The following PSTPIP1 variants were observed in gnomAD, a reference collection of about 807,000 sequenced individuals.
PSTPIP1 encodes proline-serine-threonine phosphatase-interacting protein 1.
A neutral mutation model predicts 69.6 loss-of-function variants in PSTPIP1; 66 were observed. The observed-to-expected ratio is 0.95, with a 90% CI of 0.78 to 1.16. The LOEUF is 1.16. PSTPIP1 is among the 50% of genes most tolerant of loss of function. The probability of loss-of-function intolerance (pLI) is 0.00; values close to 1 mark genes in which losing one functional copy is unlikely to be tolerated. For synonymous variants in PSTPIP1, 266 were observed against 222.7 expected, an observed-to-expected ratio of 1.19 and a Z score of -1.73; for missense variants, 603 against 557.4, an observed-to-expected ratio of 1.08 and a Z score of -0.82.
intron 1 of PSTPIP1, among the ~76,000 whole-genome samples, chr15:77,016,349 G>T (rs994915542): frequency 6.6e-6 from 1 of 152,068 alleles, no homozygotes; most frequent in African/African-American, 2.4e-5. Context: ...GCCGCCAGGA[G>T]CTCTGACCTG....
Position 77,028,649 on chromosome 15 carries a change from G to A in PSTPIP1, c.513G>A (p.Glu171=). The stretch of plus-strand genomic sequence containing the variant: ...CCAACGGCCACCAGAAGCAGGTGGA[G>A]AAGGTGCGCTGGGCTGCTGGGCCGT... ...ISANGHQKQV[E]KSQNKARQCK... Residue 171 remains glutamate (E), a synonymous_variant, in exon 7 of 15, where the codon GAG becomes GAA. Transcript: ENST00000558012. The A allele has an allele frequency of 6.4e-7, 1 of 1,565,924 alleles. No homozygotes were observed. Among genetic ancestry groups the A allele is most frequent in the Non-Finnish European group, 8.6e-7 (1 of 1,156,332 alleles).
intron 11 of PSTPIP1, 101 bp downstream of exon 11, chr15:77,032,495 A>C: frequency 4.0e-5 from 51 of 1,275,792 alleles, no homozygotes; most frequent in Non-Finnish European, 5.1e-5. Flanking sequence ...GGGGTAGCTC[A>C]CAGCTCCCTT....
chr15:76,997,198 G>A (rs868028339), intron 1 of PSTPIP1, among the ~76,000 whole-genome samples: 6 of 152,218 alleles, frequency 3.9e-5, no homozygotes, highest in Non-Finnish European at 1.5e-5. Flanking sequence ...CTCTGTGCTC[G>A]TCGCACCTCT....
intron 1 of PSTPIP1, among the ~76,000 whole-genome samples, chr15:77,004,959 C>A (rs747225781): frequency 3.9e-5 from 6 of 152,154 alleles, no homozygotes; most frequent in Non-Finnish European, 8.8e-5. Flanking sequence ...AATGCCCAGG[C>A]CACACCCCAG....
At chr15:77,002,807 C>T (rs978603528) in intron 1 of PSTPIP1, among the ~76,000 whole-genome samples, 1 of 152,186 alleles carries the variant, frequency 6.6e-6, no homozygotes, top group Non-Finnish European at 1.5e-5. Context: ...CTTTGTGCTC[C>T]AGTCCCCTGG....
intron 12 of PSTPIP1, among the ~76,000 whole-genome samples, chr15:77,034,777 G>A (rs941293872): frequency 6.6e-5 from 10 of 152,234 alleles, no homozygotes; most frequent in African/African-American, 2.2e-4. Context: ...TCTACTTGTT[G>A]AGCCCTCACT....
rs1278789405 is a variant in PSTPIP1 at position 77,037,154 on chromosome 15, G to C, written c.1229G>C (p.Gly410Ala). 1 of 1,610,358 alleles carries C rather than the reference G, an allele frequency of 6.2e-7. No homozygotes were observed. Among genetic ancestry groups the C allele is most frequent in the South Asian group, 1.1e-5 (1 of 90,832 alleles). The part of the protein sequence containing the change: ...ERNGQRGFVP[G>A]SYLEKL ...AACGGGCAGCGTGGCTTCGTCCCTG[G>C]TTCCTACCTGGAGAAGCTTTGAGGA... The change falls in exon 15 of 15, where the codon GGT becomes GCT. Residue 410 changes from glycine (G) to alanine (A), a missense_variant. Transcript: ENST00000558012.
rs537620912 is a variant in PSTPIP1, at chr15:77,029,629, CCACACACACCTCCTCACCCTGGGGA to C, written c.562+65_562+89del. On this transcript the variant is annotated intron_variant, in intron 8 of 14. Coordinates refer to ENST00000558012, the MANE Select transcript of PSTPIP1 (RefSeq NM_003978.5). ...AGGGCGGAGGCCTGGGCGGTACTCC[CCACACACACCTCCTCACCCTGGGGA>C]CACACACACTCCCCCTGGCTGCACA... The C allele has an allele frequency of 4.4e-3, 6,631 of 1,514,246 alleles. 20 individuals carry two copies. The highest frequency in any genetic ancestry group is 5.1e-3 in the Non-Finnish European group (5,722 of 1,115,408). The allele number at this position is 1,514,246 out of a possible 1,614,324, so 93.8% of individuals were successfully genotyped here. A position where few individuals can be genotyped will look rare whatever the true frequency, so the allele number is the denominator to read the frequency against.
At chr15:77,015,800 G>A (rs2076037164) in intron 1 of PSTPIP1, 1 of 402,422 alleles carries the variant, frequency 2.5e-6, no homozygotes, top group Non-Finnish European at 5.1e-6. Flanking sequence ...GCAGCCCCTG[G>A]AGAGTCAGGC....
intron 3 of PSTPIP1, among the ~76,000 whole-genome samples, chr15:77,020,214 C>T (rs2076133711): frequency 6.6e-6 from 1 of 152,112 alleles, no homozygotes; most frequent in African/African-American, 2.4e-5. Context: ...TAGGAAGGGG[C>T]CAGGTGGAGG....
intron 1 of PSTPIP1, among the ~76,000 whole-genome samples, chr15:77,004,511 G>A (rs954842201): frequency 2.0e-5 from 3 of 152,268 alleles, no homozygotes; most frequent in South Asian, 2.1e-4. Context: ...GCATGCCTGC[G>A]TGGCTAGAGA....
chr15:77,033,950 C>CT (rs954360298), intron 12 of PSTPIP1, among the ~76,000 whole-genome samples: 96 of 152,242 alleles, frequency 6.3e-4, no homozygotes, highest in African/African-American at 2.2e-3. Flanking sequence ...TGGATCCCAG[C>CT]AAAGGTGGTC....
At chr15:77,012,983 A>T (rs1596071949) in intron 1 of PSTPIP1, among the ~76,000 whole-genome samples, 1 of 151,362 alleles carries the variant, frequency 6.6e-6, no homozygotes, top group African/African-American at 2.4e-5. Context: ...AACCTGAAAG[A>T]CCCCCCTCTG....
intron 1 of PSTPIP1, among the ~76,000 whole-genome samples, chr15:77,005,166 C>A (rs2075791264): frequency 6.6e-6 from 1 of 152,048 alleles, no homozygotes; most frequent in African/African-American, 2.4e-5. Flanking sequence ...GGCAGATCAC[C>A]TGAGGTCGGG....
rs193136723 is a variant in PSTPIP1, at chr15:76,995,772, C to A, written c.36+163C>A. 1.6e-3 allele frequency among the ~76,000 whole-genome samples: 241 copies of A among 152,360 alleles called. 1 individual carries two copies. Among genetic ancestry groups the A allele is most frequent in the African/African-American group, 5.7e-3 (238 of 41,582 alleles). On this transcript the variant is annotated intron_variant, in intron 1 of 14. Coordinates refer to ENST00000558012, the MANE Select transcript of PSTPIP1 (RefSeq NM_003978.5). ...ATGGAGGTGGCCCAGGCCCCCACCC[C>A]TTCTGGACTGGAACGCAAGTGGACT...
At chr15:77,009,423 G>A (rs779415805) in intron 1 of PSTPIP1, among the ~76,000 whole-genome samples, 5 of 152,184 alleles carry the variant, frequency 3.3e-5, no homozygotes, top group Non-Finnish European at 4.4e-5. Context: ...CGCAAAGCAG[G>A]CACCTCATAT....
intron 6 of PSTPIP1, 165 bp from the exon 7 acceptor site, chr15:77,028,389 C>G: frequency 1.7e-6 from 1 of 584,358 alleles, no homozygotes; most frequent in Non-Finnish European, 3.1e-6. Context: ...CACGCCTTCT[C>G]TATCTCCTTC....
At chr15:77,033,137 G>C (rs1197971417) in intron 12 of PSTPIP1, among the ~76,000 whole-genome samples, 185 bp downstream of exon 12, 1 of 152,180 alleles carries the variant, frequency 6.6e-6, no homozygotes, top group Admixed American at 6.5e-5. Flanking sequence ...GGAACCCTCA[G>C]CCCAAGGGAC....
rs35913965 is a variant in PSTPIP1 at position 77,033,820 on chromosome 15, G to GT, written c.929+868_929+869insT. Reference sequence around the variant, plus strand: ...GTGGGAACCACCCGTGCTTAGAGAGGGCACACACACACCCTCTTTGAGAAT... The same window carrying GT: ...GTGGGAACCACCCGTGCTTAGAGAGGTGCACACACACACCCTCTTTGAGAAT... On this transcript the variant is annotated intron_variant, in intron 12 of 14. Transcript: ENST00000558012. 2.0e-3 allele frequency among the ~76,000 whole-genome samples: 301 copies of GT among 151,892 alleles called. 1 individual carries two copies. Among genetic ancestry groups the GT allele is most frequent in the Middle Eastern group, 0.01 (3 of 294 alleles).
Sources: gnomAD v4.1 joint callset for allele counts (sites outside exome capture counted in the v4.1 genomes callset) on GRCh38, gnomAD v4.1.1 for gene constraint, MANE v1.5 for transcripts, NCBI Gene and HGNC (gene_info 2026-07-23, HGNC 2026-07-21) for gene names.